Variants in SLIT3 observed in about 807,000 individuals in gnomAD.
The protein encoded by SLIT3 is slit guidance ligand 3.
In SLIT3, 68 loss-of-function variants were observed where a neutral mutation model predicts 184.0. The observed-to-expected ratio is 0.37, with a 90% confidence interval of 0.30 to 0.45. The LOEUF is 0.45. SLIT3 is among the 20% of genes least tolerant of loss of function. SLIT3 has a pLI of 1.00. For synonymous variants in SLIT3, 831 were observed against 828.6 expected, an observed-to-expected ratio of 1.00 and a Z score of -0.05; for missense variants, 1,707 against 2,026.0, an observed-to-expected ratio of 0.84 and a Z score of 3.02.
Position 168,855,863 on chromosome 5 carries a change from T to C in SLIT3, c.486-11208A>G, listed in dbSNP as rs1199536089. On this transcript the variant is annotated intron_variant, in intron 5 of 35. Coordinates refer to ENST00000519560, the MANE Select transcript of SLIT3 (RefSeq NM_003062.4). ...TTTTTCCCCCTGAGTCTTGAGTGAT[T>C]TTTGGGAGGCCAAGGCGGGCGGATC... Among the ~76,000 whole-genome samples the C allele has an allele frequency of 2.6e-5, 4 of 152,064 alleles. No individual in the cohort carries two copies. In the East Asian group the frequency reaches 7.7e-4, roughly 29 times the overall value.
intron 4 of SLIT3, among the ~76,000 whole-genome samples, chr5:168,896,749 C>T (rs1413713921): frequency 6.6e-6 from 1 of 152,194 alleles, no homozygotes; most frequent in Non-Finnish European, 1.5e-5. Flanking sequence ...TGGCAGGAGA[C>T]TCCCACAAAG....
intron 5 of SLIT3, 114 bp from the exon 6 acceptor site, chr5:168,844,769 C>T (rs1338611766): frequency 1.1e-5 from 9 of 846,688 alleles, no homozygotes; most frequent in African/African-American, 1.7e-5. Flanking sequence ...TGCTGGTCCC[C>T]GCCAGGAGCT....
At chr5:169,073,519 G>A (rs1758626959) in intron 4 of SLIT3, among the ~76,000 whole-genome samples, 2 of 152,050 alleles carry the variant, frequency 1.3e-5, no homozygotes, top group South Asian at 2.1e-4. Context: ...CAATGTCAGT[G>A]ATGTGATTTG....
chr5:168,817,549 T>C (rs1757374910), intron 7 of SLIT3, 86 bp from the exon 8 acceptor site: 3 of 1,294,786 alleles, frequency 2.3e-6, no homozygotes, highest in Non-Finnish European at 3.3e-6. Context: ...CCAAAACCCC[T>C]GTTGCCCCTT....
intron 4 of SLIT3, among the ~76,000 whole-genome samples, chr5:168,920,729 T>G (rs1761609043): frequency 6.6e-6 from 1 of 152,212 alleles, no homozygotes; most frequent in Non-Finnish European, 1.5e-5. Flanking sequence ...TAAGTTCTCT[T>G]TTGTACAAGT....
At chr5:168,689,426 G>C (rs1761844068) in intron 29 of SLIT3, among the ~76,000 whole-genome samples, 1 of 152,160 alleles carries the variant, frequency 6.6e-6, no homozygotes, top group Non-Finnish European at 1.5e-5. Context: ...TGGAGTCTCT[G>C]GATTTAGCTG....
chr5:169,232,674 T>C (rs1765047933), intron 3 of SLIT3, among the ~76,000 whole-genome samples: 1 of 152,246 alleles, frequency 6.6e-6, no homozygotes, highest in African/African-American at 2.4e-5. Flanking sequence ...AGACCATCCA[T>C]TCCAGGTGGC....
intron 7 of SLIT3, among the ~76,000 whole-genome samples, chr5:168,820,557 T>C (rs1411841908): frequency 1.3e-5 from 2 of 152,192 alleles, no homozygotes; most frequent in African/African-American, 4.8e-5. Flanking sequence ...TAATTACGAC[T>C]GACAGGAGAC....
intron 4 of SLIT3, among the ~76,000 whole-genome samples, chr5:168,962,080 G>A (rs1369804077): frequency 6.6e-6 from 1 of 152,010 alleles, no homozygotes; most frequent in African/African-American, 2.4e-5. Context: ...AGATTCCCTG[G>A]TGATCTACCT....
chr5:169,149,120 A>G (rs989560580), intron 4 of SLIT3, among the ~76,000 whole-genome samples: 1 of 152,328 alleles, frequency 6.6e-6, no homozygotes, highest in South Asian at 2.1e-4. Flanking sequence ...CATGGCCACA[A>G]GCTAGTCCGA....
chr5:169,195,967 C>T (rs1371256542), intron 3 of SLIT3, among the ~76,000 whole-genome samples: 1 of 152,176 alleles, frequency 6.6e-6, no homozygotes, highest in Non-Finnish European at 1.5e-5. Flanking sequence ...AGTATATTCA[C>T]ATCATTGAAC....
intron 31 of SLIT3, among the ~76,000 whole-genome samples, chr5:168,685,362 G>A (rs1761711121): frequency 6.6e-6 from 1 of 152,244 alleles, no homozygotes; most frequent in South Asian, 2.1e-4. Flanking sequence ...TCTTGGATTA[G>A]TGGATAGGCC....
At chr5:168,805,876 C>T (rs919168069) in intron 9 of SLIT3, among the ~76,000 whole-genome samples, 1 of 152,194 alleles carries the variant, frequency 6.6e-6, no homozygotes, top group Non-Finnish European at 1.5e-5. Context: ...AAGGGCTCCA[C>T]GTGTAGTATT....
chr5:169,216,803 T>G (rs1444203437), intron 3 of SLIT3, among the ~76,000 whole-genome samples: 1 of 152,178 alleles, frequency 6.6e-6, no homozygotes, highest in Admixed American at 6.5e-5. Context: ...ATGTGGGTCT[T>G]TATATGTCTG....
intron 29 of SLIT3, among the ~76,000 whole-genome samples, chr5:168,689,196 T>C (rs1315421780): frequency 6.6e-6 from 1 of 152,222 alleles, no homozygotes; most frequent in Non-Finnish European, 1.5e-5. Flanking sequence ...GCCCATGTGA[T>C]GCTGATGCTG....
At chr5:168,824,601 T>A (rs566194728) in intron 6 of SLIT3, among the ~76,000 whole-genome samples, 1 of 152,180 alleles carries the variant, frequency 6.6e-6, no homozygotes, top group African/African-American at 2.4e-5. Context: ...AGACATAATA[T>A]GTGGGGAAGT....
At chr5:168,848,773 A>G (rs1339005091) in intron 5 of SLIT3, among the ~76,000 whole-genome samples, 1 of 152,188 alleles carries the variant, frequency 6.6e-6, no homozygotes, top group Admixed American at 6.5e-5. Flanking sequence ...GTGAGTGAGG[A>G]CTTAAAATAA....
At position 168,666,225 on chromosome 5, in the gene SLIT3, T is replaced by C. The variant is rs1761036369; in HGVS notation, c.*229A>G. 1 of 413,560 alleles carries C rather than the reference T, an allele frequency of 2.4e-6. No individual in the cohort carries two copies. The highest frequency in any genetic ancestry group is 4.2e-6 in the Non-Finnish European group (1 of 236,584). The allele number at this position is 413,560 out of a possible 1,614,324, so 25.6% of individuals were successfully genotyped here. On this transcript the variant is annotated 3_prime_UTR_variant, in exon 36 of 36. Coordinates refer to ENST00000519560, the MANE Select transcript of SLIT3 (RefSeq NM_003062.4). ...AAAATAACTCACTATATGGTACATA[T>C]ACGCAGATGGTGTAATATATTTATA...
intron 6 of SLIT3, among the ~76,000 whole-genome samples, chr5:168,826,956 G>T (rs938407142): frequency 3.3e-5 from 5 of 152,112 alleles, no homozygotes; most frequent in African/African-American, 1.2e-4. Flanking sequence ...TAGAGACAGG[G>T]TTTTGCCATG....
Sources: gnomAD v4.1 joint callset for allele counts (sites outside exome capture counted in the v4.1 genomes callset) on GRCh38, gnomAD v4.1.1 for gene constraint, MANE v1.5 for transcripts, NCBI Gene and HGNC (gene_info 2026-07-23, HGNC 2026-07-21) for gene names.